METTL3: variants seen among roughly 807,000 people sequenced by gnomAD.
The protein encoded by METTL3 is methyltransferase 3, N6-adenosine-methyltransferase complex catalytic subunit.
In METTL3, 42 loss-of-function variants were observed where a neutral mutation model predicts 64.3. The observed-to-expected ratio is 0.65, with a 90% CI of 0.51 to 0.84. The LOEUF (loss-of-function observed/expected upper bound fraction) is 0.84. METTL3 is among the 40% of genes least tolerant of loss of function. The probability of loss-of-function intolerance (pLI) is 0.00; values close to 1 mark genes in which losing one functional copy is unlikely to be tolerated. For missense variants in METTL3, 435 were observed against 722.3 expected, an observed-to-expected ratio of 0.60 and a Z score of 4.56; for synonymous variants, 256 against 263.6, an observed-to-expected ratio of 0.97 and a Z score of 0.28.
intron 10 of METTL3, chr14:21,498,680 C>G (rs2139637534): frequency 4.2e-6 from 2 of 481,360 alleles, no homozygotes; most frequent in Non-Finnish European, 7.4e-6. Flanking sequence ...GTGTTTTAAG[C>G]TCTGTTAAGG....
At position 21,501,070 on chromosome 14, in the gene METTL3, CAT is replaced by C. The variant is rs747978421; in HGVS notation, c.957_958del (p.Cys320PhefsTer12). The C allele has an allele frequency of 5.0e-6, 8 of 1,614,070 alleles. No homozygotes were observed. The highest frequency in any genetic ancestry group is 5.1e-6 in the Non-Finnish European group (6 of 1,180,026). On this transcript the variant is annotated frameshift_variant, in exon 5 of 11. Coordinates refer to ENST00000298717, the MANE Select transcript of METTL3 (RefSeq NM_019852.5). LOFTEE classifies it high-confidence loss of function. The stretch of plus-strand genomic sequence containing the variant: ...ATACTTGCAGGTATCCATGTGGAAA[CAT>C]GTATTAAGGAAAGAGCAGTCACCTA...
intron 4 of METTL3, 113 bp from the exon 5 acceptor site, chr14:21,501,242 T>C: frequency 1.3e-6 from 1 of 788,022 alleles, no homozygotes; most frequent in South Asian, 1.8e-5. Flanking sequence ...ATTCTATCAT[T>C]AGAGCTTCCT....
intron 1 of METTL3, among the ~76,000 whole-genome samples, chr14:21,510,049 C>G (rs1245835298): frequency 6.6e-6 from 1 of 152,230 alleles, no homozygotes; most frequent in South Asian, 2.1e-4. Flanking sequence ...CCTACACCAG[C>G]TCTTGTTACT....
At chr14:21,498,517 G>A (rs1594436562) in intron 10 of METTL3, 148 bp from the exon 11 acceptor site, 2 of 701,948 alleles carry the variant, frequency 2.8e-6, no homozygotes, top group East Asian at 2.7e-5. Context: ...ATAGTATATG[G>A]TAGAATTACT....
In METTL3 at chr14:21,503,753, C is replaced by T; in HGVS notation, c.229G>A (p.Glu77Lys). The change falls in exon 2 of 11, where the codon GAG (glutamate) becomes AAG (lysine). Residue 77 changes from glutamate to lysine, a missense_variant. By Grantham distance (56) the Glu-to-Lys change is moderately conservative. This residue lies in a region of METTL3 where 228 missense variants were observed against 279.6 expected (regional missense o/e 0.82). Transcript: ENST00000298717. The part of the protein sequence containing the change: ...SAVPELATDP[E>K]LEKKLLHHLS... ...TGGTGTAGCAACTTCTTCTCTAACT[C>T]AGGATCTGTAGCTAATTCAGGAACT... The T allele has an allele frequency of 6.2e-7, 1 of 1,614,212 alleles. No individual in the cohort carries two copies. The highest frequency in any genetic ancestry group is 8.5e-7 in the Non-Finnish European group (1 of 1,180,044).
chr14:21,510,096 G>T (rs1346672999), intron 1 of METTL3, among the ~76,000 whole-genome samples: 1 of 152,142 alleles, frequency 6.6e-6, no homozygotes, highest in Non-Finnish European at 1.5e-5. Context: ...CATTCATTTG[G>T]TTTCGTACAT....
At position 21,500,966 on chromosome 14, in the gene METTL3, G is replaced by C; in HGVS notation, c.1063C>G (p.Leu355Val). The change falls in exon 5 of 11, where the codon CTT becomes GTT. Residue 355 changes from leucine (L) to valine (V), a missense_variant. Leu to Val is a conservative substitution (Grantham distance 32). Transcript: ENST00000298717. Reference protein sequence around the residue: ...KDHTPSQELALTQSVGGDSSA... With the variant: ...KDHTPSQELAVTQSVGGDSSA... ...GAATCACCTCCGACACTCTGTGTAAGAGCAAGCTCCTGGCTTGGCGTGTGG... is the reference window on the plus strand; with the variant it reads ...GAATCACCTCCGACACTCTGTGTAACAGCAAGCTCCTGGCTTGGCGTGTGG... 1 of 1,614,170 alleles carries C rather than the reference G, an allele frequency of 6.2e-7. No homozygotes were observed. The highest frequency in any genetic ancestry group is 8.5e-7 in the Non-Finnish European group (1 of 1,180,026).
At chr14:21,498,493 A>C in intron 10 of METTL3, 124 bp from the exon 11 acceptor site, 1 of 868,314 alleles carries the variant, frequency 1.2e-6, no homozygotes. Context: ...TTCTAAAAAG[A>C]GCTTAACATT....
chr14:21,500,633 A>G lies in METTL3; in HGVS notation c.1166T>C (p.Phe389Ser), dbSNP rs778511708. ...RYLDVSILGK[F>S]AVVMADPPWD... ...GGGTGGGTCAGCCATCACAACTGCA[A>G]ACTTGCCCAAGATACTGACGTCCAG... The change falls in exon 6 of 11, where the codon TTT (phenylalanine) becomes TCT (serine). Residue 389 changes from phenylalanine (F) to serine (S), a missense_variant. Coordinates refer to ENST00000298717, the MANE Select transcript of METTL3 (RefSeq NM_019852.5). 11 of 1,614,066 alleles carry G rather than the reference A, an allele frequency of 6.8e-6. No individual in the cohort carries two copies. Among genetic ancestry groups the G allele is most frequent in the Non-Finnish European group, 9.3e-6 (11 of 1,179,998 alleles).
intron 1 of METTL3, chr14:21,505,053 A>G (rs953431537): frequency 2.0e-5 from 3 of 152,146 alleles, no homozygotes; most frequent in African/African-American, 7.2e-5. Context: ...CTGTAATCCC[A>G]GCACTGTGAG....
Position 21,511,336 on chromosome 14 carries a change from A to G in METTL3, c.-113T>C. The G allele has an allele frequency of 1.4e-6, 2 of 1,464,108 alleles. No individual in the cohort carries two copies. Among genetic ancestry groups the G allele is most frequent in the South Asian group, 2.8e-5 (2 of 71,794 alleles). 90.7% of individuals were successfully genotyped at this position (1,464,108 alleles called of 1,614,324 possible). ...CGCGGACACCCCGAAGGCTAACCGG[A>G]AAATGACCCCTGGAGCTGAGCAAGA... On this transcript the variant is annotated 5_prime_UTR_variant, in exon 1 of 11. Coordinates refer to ENST00000298717, the MANE Select transcript of METTL3 (RefSeq NM_019852.5).
rs1891457074 is a variant in METTL3 at position 21,498,258 on chromosome 14, C to T, written c.1743G>A (p.Ter581=). The T allele has an allele frequency of 1.9e-6, 3 of 1,550,154 alleles. No homozygotes were observed. Among genetic ancestry groups the T allele is most frequent in the Non-Finnish European group, 2.7e-6 (3 of 1,121,780 alleles). The part of the protein sequence containing the change: ...DGIISKPKNL[*] ...TTCTTAGCTCTGTAAGGAAGTGCTT[C>T]TATAAATTCTTAGGTTTAGAGATGA... is the stretch of plus-strand genomic sequence containing the variant. The change falls in exon 11 of 11, where the codon TAG becomes TAA. Residue 581 remains the stop codon, a stop_retained_variant. Transcript: ENST00000298717.
At chr14:21,499,447 C>A in intron 8 of METTL3, 45 bp downstream of exon 8, 1 of 1,608,920 alleles carries the variant, frequency 6.2e-7, no homozygotes, top group Non-Finnish European at 8.5e-7. Flanking sequence ...TCAAATGATT[C>A]TTCTTTGTGC....
rs1317023801 is a variant in METTL3, at chr14:21,498,207, T to A, written c.*51A>T. On this transcript the variant is annotated 3_prime_UTR_variant, in exon 11 of 11. Transcript: ENST00000298717. Reference sequence around the variant, plus strand: ...ATTGTACAAATATCACTCTTCAGGTTTAGCTTACAGAGCCATGGCTATGGA... The same window carrying A: ...ATTGTACAAATATCACTCTTCAGGTATAGCTTACAGAGCCATGGCTATGGA... The A allele has an allele frequency of 3.8e-6, 4 of 1,041,548 alleles. No homozygotes were observed. In the South Asian group the frequency reaches 5.1e-5, roughly 13 times the overall value. 64.5% of individuals were successfully genotyped at this position (1,041,548 alleles called of 1,614,324 possible).
rs1432352180 is a variant in METTL3, at chr14:21,511,212, C to G, written c.12G>C (p.Thr4=). ...TCTTGTGGGCCTGGATAGAGCTCCACGTGTCCGACATCCTAGTCTCCCAGC... is the reference window on the plus strand; with the variant it reads ...TCTTGTGGGCCTGGATAGAGCTCCAGGTGTCCGACATCCTAGTCTCCCAGC... The part of the protein sequence containing the change: MSD[T]WSSIQAHKKQ... Residue 4 remains threonine, a synonymous_variant, in exon 1 of 11, where the codon ACG becomes ACC. Transcript: ENST00000298717. 1.2e-6 allele frequency: 2 copies of G among 1,613,860 alleles called. No homozygotes were observed. The highest frequency in any genetic ancestry group is 2.2e-5 in the South Asian group (2 of 91,020).
chr14:21,511,249 T>A lies in METTL3; in HGVS notation c.-26A>T, dbSNP rs769783157. On this transcript the variant is annotated 5_prime_UTR_variant, in exon 1 of 11. Transcript: ENST00000298717. ...CCTAGTCTCCCAGCCCTGACACCTC[T>A]CGAATAAGGCGCGGCGGACTAGCAC... 2.5e-6 allele frequency: 4 copies of A among 1,608,100 alleles called. No homozygotes were observed. The highest frequency in any genetic ancestry group is 1.7e-6 in the Non-Finnish European group (2 of 1,177,396).
intron 4 of METTL3, 85 bp downstream of exon 4, chr14:21,501,643 A>G: frequency 1.5e-5 from 24 of 1,551,092 alleles, no homozygotes; most frequent in Non-Finnish European, 2.1e-5. Context: ...GATTACAGAC[A>G]GAACCCCAAT....
At chr14:21,501,519 TAAA>T in intron 4 of METTL3, 1 of 545,936 alleles carries the variant, frequency 1.8e-6, no homozygotes. Context: ...AGGGAGCTTT[TAAA>T]AAAAAAATCT....
At chr14:21,510,958 T>A (rs921996458) in intron 1 of METTL3, 166 bp downstream of exon 1, 1 of 755,194 alleles carries the variant, frequency 1.3e-6, no homozygotes, top group African/African-American at 1.8e-5. Flanking sequence ...GCGAACTACT[T>A]GCAGAAGGGC....
Sources: allele counts gnomAD v4.1 joint callset (sites outside exome capture counted in the v4.1 genomes callset), GRCh38; gene constraint gnomAD v4.1.1; regional missense constraint gnomAD v4.1.1; transcripts MANE v1.5; gene names NCBI Gene and HGNC (gene_info 2026-07-23, HGNC 2026-07-21).